TEKT5: variants seen among roughly 807,000 people sequenced by gnomAD.
TEKT5 encodes tektin 5.
Under a neutral mutation model 48.7 loss-of-function variants are expected in TEKT5, and 52 were observed. That is an observed-to-expected ratio of 1.07 (90% CI 0.86 to 1.35). The LOEUF (loss-of-function observed/expected upper bound fraction) is 1.35, where lower values mean the gene tolerates loss of function less well. Ranked by LOEUF, TEKT5 falls within the 40% of genes most tolerant of loss-of-function variation. The pLI is 0.00. For missense variants in TEKT5, 831 were observed against 641.6 expected (o/e 1.30, Z -3.19); for synonymous variants, 318 against 267.6 (o/e 1.19, Z -1.84).
chr16:10,639,610 C>G (rs1897962475), intron 5 of TEKT5, among the ~76,000 whole-genome samples: 1 of 152,338 alleles, frequency 6.6e-6, no homozygotes, highest in African/African-American at 2.4e-5. Flanking sequence ...AAGTGCTCAT[C>G]AGAGGTCAGC....
chr16:10,674,141 C>T lies in TEKT5; in HGVS notation c.1086+1818G>A, dbSNP rs2430631. Among the ~76,000 whole-genome samples, 236 of 152,196 alleles carry T rather than the reference C, an allele frequency of 1.6e-3. 1 individual carries two copies. The highest frequency in any genetic ancestry group is 5.5e-3 in the African/African-American group (227 of 41,528). On this transcript the variant is annotated intron_variant, in intron 5 of 6. Transcript: ENST00000283025. ...ACCTGCCCCTTCCTCCAGCTTCATCCCGGACGCTTCCTTTGCCCTTGCTGC... is the reference window on the plus strand; with the variant it reads ...ACCTGCCCCTTCCTCCAGCTTCATCTCGGACGCTTCCTTTGCCCTTGCTGC...
chr16:10,676,089 T>C lies in TEKT5; in HGVS notation c.956A>G (p.Glu319Gly). The C allele has an allele frequency of 1.9e-6, 3 of 1,614,166 alleles. No individual in the cohort carries two copies. The highest frequency in any genetic ancestry group is 2.5e-6 in the Non-Finnish European group (3 of 1,180,028). The change falls in exon 5 of 7, where the codon GAG becomes GGG. Residue 319 changes from glutamate (E) to glycine (G), a missense_variant. Transcript: ENST00000283025. ...MRANSIQLRE[E>G]AEHLFETLSD... ...CAAGGTCTCAAAGAGGTGCTCCGCC[T>C]CCTCCCGCAGCTGGATGGAGTTGGC...
At chr16:10,688,869 A>G (rs1177080108) in intron 3 of TEKT5, among the ~76,000 whole-genome samples, 1 of 152,146 alleles carries the variant, frequency 6.6e-6, no homozygotes, top group Non-Finnish European at 1.5e-5. Flanking sequence ...GTCATCTCCC[A>G]AGGTTCAGAA....
intron 5 of TEKT5, among the ~76,000 whole-genome samples, chr16:10,668,728 A>C (rs1340075861): frequency 2.0e-5 from 3 of 152,174 alleles, no homozygotes; most frequent in Admixed American, 6.5e-5. Flanking sequence ...AAGCCCTTCA[A>C]GGTTAAAATT....
intron 5 of TEKT5, among the ~76,000 whole-genome samples, chr16:10,660,690 TG>T (rs1898352957): frequency 6.6e-6 from 1 of 150,586 alleles, no homozygotes; most frequent in South Asian, 2.1e-4. Flanking sequence ...TGTGTGTGTG[TG>T]TGTGTGTGTG....
In TEKT5 at chr16:10,689,934, T is replaced by G. The variant is rs777343606; in HGVS notation, c.648+8A>C. On this transcript the variant is annotated splice_region_variant and intron_variant, in intron 2 of 6. Coordinates refer to ENST00000283025, the MANE Select transcript of TEKT5 (RefSeq NM_144674.2). ...CAGGGGGCTGGGCAGAACCAGGAGA[T>G]GCCTTACCCGGATAAGGTTTTTCTC... 1.4e-5 allele frequency: 23 copies of G among 1,613,784 alleles called. No homozygotes were observed. The highest frequency in any genetic ancestry group is 1.9e-5 in the Non-Finnish European group (22 of 1,179,916).
intron 5 of TEKT5, among the ~76,000 whole-genome samples, chr16:10,652,707 AC>A (rs1898183707): frequency 4.2e-5 from 4 of 94,560 alleles, no homozygotes; most frequent in Admixed American, 2.2e-4. Context: ...ACACACACAC[AC>A]ACACACACAC....
At chr16:10,651,517 T>C (rs1425568874) in intron 5 of TEKT5, among the ~76,000 whole-genome samples, 1 of 152,208 alleles carries the variant, frequency 6.6e-6, no homozygotes, top group African/African-American at 2.4e-5. Context: ...ATAATGATGA[T>C]GATAATAATA....
At chr16:10,643,808 C>G (rs565691904) in intron 5 of TEKT5, among the ~76,000 whole-genome samples, 1 of 152,276 alleles carries the variant, frequency 6.6e-6, no homozygotes, top group South Asian at 2.1e-4. Context: ...GAGGCCAAGA[C>G]AGGTGGATCA....
At chr16:10,675,473 A>G (rs1248948621) in intron 5 of TEKT5, among the ~76,000 whole-genome samples, 1 of 152,214 alleles carries the variant, frequency 6.6e-6, no homozygotes, top group Non-Finnish European at 1.5e-5. Flanking sequence ...AGAATCGGGC[A>G]GTGCTGCAGA....
At chr16:10,673,549 C>G (rs894090424) in intron 5 of TEKT5, among the ~76,000 whole-genome samples, 17 of 151,930 alleles carry the variant, frequency 1.1e-4, no homozygotes, top group African/African-American at 3.9e-4. Flanking sequence ...TCACCCTTTT[C>G]TGGTCCTTCT....
At position 10,627,581 on chromosome 16, in the gene TEKT5, G is replaced by A; in HGVS notation, c.*2C>T. On this transcript the variant is annotated 3_prime_UTR_variant, in exon 7 of 7. Transcript: ENST00000283025. ...GCGCGGAATGAGGCGCCAGGGCGGTGCTCAGGTGTGGCCCACCAGGCGCGG... is the reference window on the plus strand; with the variant it reads ...GCGCGGAATGAGGCGCCAGGGCGGTACTCAGGTGTGGCCCACCAGGCGCGG... 3.7e-6 allele frequency: 6 copies of A among 1,614,030 alleles called. No homozygotes were observed. Among genetic ancestry groups the A allele is most frequent in the Non-Finnish European group, 5.1e-6 (6 of 1,179,886 alleles).
intron 5 of TEKT5, among the ~76,000 whole-genome samples, chr16:10,647,140 G>A (rs1298187035): frequency 3.3e-5 from 5 of 152,152 alleles, no homozygotes; most frequent in Admixed American, 2.6e-4. Flanking sequence ...TTGCTGGGGT[G>A]GACGGGACAT....
At chr16:10,676,279 C>T (rs1425230628) in intron 4 of TEKT5, 98 bp from the exon 5 acceptor site, 2 of 1,182,508 alleles carry the variant, frequency 1.7e-6, no homozygotes, top group African/African-American at 1.5e-5. Context: ...CGGGATTATT[C>T]TCTGTCCTGT....
In TEKT5 at chr16:10,679,897, C is replaced by CAGATAAAT. The variant is rs67108171; in HGVS notation, c.863+2095_863+2096insATTTATCT. Among the ~76,000 whole-genome samples, 1,068 of 150,416 alleles carry CAGATAAAT rather than the reference C, an allele frequency of 7.1e-3. 13 individuals are homozygous for CAGATAAAT. The highest frequency in any genetic ancestry group is 0.024 in the African/African-American group (1,005 of 41,216). ...GGGCAACAAGAGCGAAACTCGGTCT[C>CAGATAAAT]AAATAAATAAATAAATAAATAAATA... On this transcript the variant is annotated intron_variant, in intron 4 of 6. Coordinates refer to ENST00000283025, the MANE Select transcript of TEKT5 (RefSeq NM_144674.2).
chr16:10,628,361 C>A (rs952877960), intron 6 of TEKT5, among the ~76,000 whole-genome samples: 26 of 152,202 alleles, frequency 1.7e-4, no homozygotes, highest in African/African-American at 6.3e-4. Flanking sequence ...GATAGGAGAC[C>A]AATCTGGAGA....
At chr16:10,692,989 G>T (rs888791208) in intron 1 of TEKT5, 1 of 152,252 alleles carries the variant, frequency 6.6e-6, no homozygotes, top group Non-Finnish European at 1.5e-5. Flanking sequence ...TGGAGTATTT[G>T]TTACATGCGG....
chr16:10,628,680 G>A (rs1897791906), intron 6 of TEKT5, among the ~76,000 whole-genome samples: 2 of 152,108 alleles, frequency 1.3e-5, no homozygotes, highest in African/African-American at 4.8e-5. Flanking sequence ...TGAGACAGGT[G>A]GATCACCTGA....
chr16:10,663,169 CTCAGTGGAAAAGTG>C (rs1222945320), intron 5 of TEKT5, among the ~76,000 whole-genome samples: 2 of 152,182 alleles, frequency 1.3e-5, no homozygotes, highest in African/African-American at 4.8e-5. Flanking sequence ...CCAACCTCGG[CTCAGTGGAAAAGTG>C]TGCTGATATT....
Sources: gnomAD v4.1 joint callset for allele counts (sites outside exome capture counted in the v4.1 genomes callset) on GRCh38, gnomAD v4.1.1 for gene constraint, MANE v1.5 for transcripts, NCBI Gene and HGNC (gene_info 2026-07-23, HGNC 2026-07-21) for gene names.